The following IMMP2L variants were observed in gnomAD, a reference collection of about 807,000 sequenced individuals.
IMMP2L encodes the protein mitochondrial inner membrane protease subunit 2.
Under a neutral mutation model 19.3 loss-of-function variants are expected in IMMP2L, and 18 were observed. The observed-to-expected ratio is 0.93, with a 90% CI of 0.64 to 1.38. The LOEUF (loss-of-function observed/expected upper bound fraction) is 1.38. Among genes scored for constraint, IMMP2L ranks in the 40% most tolerant of loss-of-function variants. The probability of loss-of-function intolerance (pLI) is 0.00; values close to 1 mark genes in which losing one functional copy is unlikely to be tolerated. For missense variants in IMMP2L, 233 were observed against 218.2 expected, an observed-to-expected ratio of 1.07 and a Z score of -0.43; for synonymous variants, 76 against 73.0, an observed-to-expected ratio of 1.04 and a Z score of -0.21.
chr7:111,298,745 C>T (rs1375374723), intron 3 of IMMP2L, among the ~76,000 whole-genome samples: 6 of 133,382 alleles, frequency 4.5e-5, no homozygotes, highest in Non-Finnish European at 9.4e-5. Flanking sequence ...GGTGACAGAG[C>T]GAGACTCTGC....
chr7:111,184,230 A>T (rs1808023133), intron 3 of IMMP2L, among the ~76,000 whole-genome samples: 1 of 151,972 alleles, frequency 6.6e-6, no homozygotes, highest in Admixed American at 6.6e-5. Context: ...AAAGAGAAAT[A>T]GGGGGGAAAA....
chr7:110,743,605 A>G (rs993652857), intron 5 of IMMP2L, among the ~76,000 whole-genome samples: 5 of 152,058 alleles, frequency 3.3e-5, no homozygotes, highest in Non-Finnish European at 7.4e-5. Context: ...TCTCAATGGG[A>G]CTGGTTGGTC....
In IMMP2L at chr7:111,044,840, T is replaced by C. The variant is rs544134114; in HGVS notation, c.240-81275A>G. Among the ~76,000 whole-genome samples the C allele has an allele frequency of 3.5e-3, 526 of 152,306 alleles. 3 individuals are homozygous for C. Among genetic ancestry groups the C allele is most frequent in the African/African-American group, 0.012 (511 of 41,572 alleles). On this transcript the variant is annotated intron_variant, in intron 3 of 5. Coordinates refer to ENST00000405709, the MANE Select transcript of IMMP2L (RefSeq NM_032549.4). Reference sequence around the variant, plus strand: ...TGACAATCTTTTTAAAGTTTACATATATAGACAGTGGGTAGTTGACAACTC... The same window carrying C: ...TGACAATCTTTTTAAAGTTTACATACATAGACAGTGGGTAGTTGACAACTC...
chr7:111,377,604 G>T (rs1037733566), intron 3 of IMMP2L, among the ~76,000 whole-genome samples: 1 of 151,938 alleles, frequency 6.6e-6, no homozygotes, highest in Admixed American at 6.6e-5. Flanking sequence ...AACTGTCTCA[G>T]CTGTTTATAG....
intron 3 of IMMP2L, among the ~76,000 whole-genome samples, chr7:111,397,045 G>A (rs937751629): frequency 8.6e-5 from 13 of 151,582 alleles, no homozygotes; most frequent in South Asian, 4.2e-4. Context: ...CTGAGATCGC[G>A]CCACTGCACT....
At chr7:111,267,915 TC>T (rs1818001921) in intron 3 of IMMP2L, among the ~76,000 whole-genome samples, 1 of 152,140 alleles carries the variant, frequency 6.6e-6, no homozygotes, top group Admixed American at 6.6e-5. Context: ...TTACAGAGTA[TC>T]TTTTTCAAAG....
chr7:110,805,640 T>G (rs1431791410), intron 5 of IMMP2L, among the ~76,000 whole-genome samples: 1 of 152,016 alleles, frequency 6.6e-6, no homozygotes, highest in African/African-American at 2.4e-5. Flanking sequence ...TGAGCAATTG[T>G]GTCAAGGAAA....
At chr7:110,672,786 G>A (rs1044765642) in intron 5 of IMMP2L, among the ~76,000 whole-genome samples, 3 of 152,160 alleles carry the variant, frequency 2.0e-5, no homozygotes, top group South Asian at 2.1e-4. Context: ...TCCAGGTCAC[G>A]CTGATGCAAG....
At chr7:111,335,176 A>C (rs1158164025) in intron 3 of IMMP2L, among the ~76,000 whole-genome samples, 1 of 152,136 alleles carries the variant, frequency 6.6e-6, no homozygotes, top group Non-Finnish European at 1.5e-5. Flanking sequence ...GAAAAGATAC[A>C]AACTAGAGCT....
intron 3 of IMMP2L, among the ~76,000 whole-genome samples, chr7:111,444,721 G>A (rs1838125488): frequency 6.6e-6 from 1 of 152,038 alleles, no homozygotes; most frequent in Admixed American, 6.6e-5. Flanking sequence ...ACAGGACACT[G>A]TTAACCCTGA....
chr7:110,880,507 A>G (rs1261208558), intron 5 of IMMP2L, among the ~76,000 whole-genome samples: 1 of 152,138 alleles, frequency 6.6e-6, no homozygotes, highest in Non-Finnish European at 1.5e-5. Context: ...CAAATATTTT[A>G]TAAGTATATA....
At chr7:111,502,054 T>G (rs1193977484) in intron 2 of IMMP2L, among the ~76,000 whole-genome samples, 2 of 152,062 alleles carry the variant, frequency 1.3e-5, no homozygotes, top group Non-Finnish European at 2.9e-5. Flanking sequence ...CATACATCAG[T>G]GTGCTGTATT....
intron 3 of IMMP2L, among the ~76,000 whole-genome samples, chr7:111,170,333 A>C (rs1806294939): frequency 6.6e-6 from 1 of 151,866 alleles, no homozygotes; most frequent in Non-Finnish European, 1.5e-5. Context: ...ATTGGCAAAA[A>C]GATAAAGGCC....
intron 3 of IMMP2L, among the ~76,000 whole-genome samples, chr7:111,275,359 T>G (rs1400062319): frequency 1.3e-5 from 2 of 152,148 alleles, no homozygotes; most frequent in African/African-American, 4.8e-5. Context: ...AAAAAGAAAG[T>G]TTATGTTCTG....
chr7:111,232,966 A>G (rs868425676), intron 3 of IMMP2L, among the ~76,000 whole-genome samples: 6 of 152,114 alleles, frequency 3.9e-5, no homozygotes, highest in South Asian at 2.1e-4. Context: ...TGTACTCCCA[A>G]TGCATCTTGC....
intron 3 of IMMP2L, among the ~76,000 whole-genome samples, chr7:111,133,061 G>C (rs1183258434): frequency 2.0e-5 from 3 of 151,898 alleles, no homozygotes; most frequent in Admixed American, 1.3e-4. Flanking sequence ...CCAAGGATCA[G>C]GTCTAATAGT....
chr7:110,732,387 A>G, intron 5 of IMMP2L, among the ~76,000 whole-genome samples: 1 of 152,336 alleles, frequency 6.6e-6, no homozygotes, highest in East Asian at 1.9e-4. Context: ...ACCTAAAACA[A>G]GTCTCTATAA....
At chr7:111,031,425 T>C (rs546837668) in intron 3 of IMMP2L, among the ~76,000 whole-genome samples, 1 of 90,884 alleles carries the variant, frequency 1.1e-5, no homozygotes. Context: ...AGAGAAATCC[T>C]ATATTGATGT....
At chr7:111,507,167 G>C (rs1844996822) in intron 2 of IMMP2L, among the ~76,000 whole-genome samples, 1 of 152,106 alleles carries the variant, frequency 6.6e-6, no homozygotes, top group South Asian at 2.1e-4. Context: ...GAGTCTTCCA[G>C]TCCTGATTTG....
Sources: allele counts gnomAD v4.1 joint callset (sites outside exome capture counted in the v4.1 genomes callset), GRCh38; gene constraint gnomAD v4.1.1; transcripts MANE v1.5; gene names NCBI Gene and HGNC (gene_info 2026-07-23, HGNC 2026-07-21).